PDZRN3: variants seen among roughly 807,000 people sequenced by gnomAD.
PDZRN3 encodes the protein E3 ubiquitin-protein ligase PDZRN3.
A neutral mutation model predicts 85.7 loss-of-function variants in PDZRN3; 38 were observed. The ratio of observed to expected loss-of-function variants is 0.44; its 90% CI spans 0.34 to 0.58. PDZRN3 has a LOEUF of 0.58. Among genes scored for constraint, PDZRN3 ranks in the 20% least tolerant of loss-of-function variants. PDZRN3 has a pLI of 0.01. For synonymous variants in PDZRN3, 759 were observed against 638.0 expected, an observed-to-expected ratio of 1.19 and a Z score of -2.86; for missense variants, 1,629 against 1,506.4, an observed-to-expected ratio of 1.08 and a Z score of -1.35.
chr3:73,500,171 C>A (rs116828281), intron 3 of PDZRN3, among the ~76,000 whole-genome samples: 4,807 of 152,014 alleles, frequency 0.032, 121 homozygotes, highest in Non-Finnish European at 0.042. Context: ...TCCTCCGCCT[C>A]CCAAGTAGCT....
intron 3 of PDZRN3, among the ~76,000 whole-genome samples, chr3:73,437,392 C>G (rs1405156110): frequency 1.3e-5 from 2 of 152,190 alleles, no homozygotes; most frequent in Non-Finnish European, 2.9e-5. Context: ...CACTGTACTA[C>G]ATGCTCATAA....
intron 3 of PDZRN3, among the ~76,000 whole-genome samples, chr3:73,577,696 T>G (rs4677304): frequency 0.91 from 138,626 of 152,204 alleles, 63,281 homozygotes; most frequent in African/African-American, 0.98. Flanking sequence ...GCTCCTGTCT[T>G]GACAGCCCTC....
intron 3 of PDZRN3, among the ~76,000 whole-genome samples, chr3:73,471,981 G>A (rs1436263811): frequency 1.3e-5 from 2 of 151,594 alleles, no homozygotes; most frequent in African/African-American, 4.9e-5. Flanking sequence ...AGTGGGCTAC[G>A]GGGAAAAGAC....
At chr3:73,563,013 A>ATATTT (rs1187151191) in intron 3 of PDZRN3, among the ~76,000 whole-genome samples, 3 of 43,762 alleles carry the variant, frequency 6.9e-5, no homozygotes, top group Non-Finnish European at 7.4e-5. Flanking sequence ...ATATATATAT[A>ATATTT]TTTTTTTTTT....
chr3:73,606,923 G>A lies in PDZRN3; in HGVS notation c.810+1675C>T, dbSNP rs532362523. Among the ~76,000 whole-genome samples the A allele has an allele frequency of 1.5e-4, 23 of 152,172 alleles. No individual in the cohort carries two copies. In the South Asian group the frequency reaches 3.7e-3, roughly 25 times the overall value. On this transcript the variant is annotated intron_variant, in intron 2 of 9. Transcript: ENST00000263666. The stretch of plus-strand genomic sequence containing the variant: ...CTGAAGCCATGTGTTGGCCACTCCC[G>A]CCCTAGGTAATTTAAATCCCAGACT...
intron 3 of PDZRN3, 66 bp downstream of exon 3, chr3:73,602,288 C>T (rs1169522294): frequency 2.0e-5 from 18 of 879,970 alleles, no homozygotes; most frequent in Admixed American, 3.7e-5. Flanking sequence ...AAACATCTTG[C>T]TTTGAGCTAG....
At chr3:73,422,134 A>G (rs979018160) in intron 3 of PDZRN3, among the ~76,000 whole-genome samples, 7 of 152,230 alleles carry the variant, frequency 4.6e-5, no homozygotes, top group Non-Finnish European at 8.8e-5. Context: ...GAGGGCAGGG[A>G]CTTTTCTTTC....
intron 1 of PDZRN3, among the ~76,000 whole-genome samples, chr3:73,621,469 G>C (rs576850681): frequency 1.3e-3 from 199 of 152,276 alleles, no homozygotes; most frequent in African/African-American, 4.6e-3. Context: ...CTGCCTTTTA[G>C]AAGAGAATAA....
At chr3:73,495,333 A>G (rs1703847706) in intron 3 of PDZRN3, among the ~76,000 whole-genome samples, 1 of 152,168 alleles carries the variant, frequency 6.6e-6, no homozygotes, top group Non-Finnish European at 1.5e-5. Flanking sequence ...TAATATAGCT[A>G]AAATTCCTTT....
intron 3 of PDZRN3, among the ~76,000 whole-genome samples, chr3:73,526,977 T>C (rs1184874109): frequency 6.6e-6 from 1 of 152,106 alleles, no homozygotes; most frequent in Non-Finnish European, 1.5e-5. Context: ...GCCTCCTGGG[T>C]AGCTGGGATT....
intron 3 of PDZRN3, among the ~76,000 whole-genome samples, chr3:73,504,153 C>A (rs1273782127): frequency 6.6e-6 from 1 of 152,158 alleles, no homozygotes; most frequent in Non-Finnish European, 1.5e-5. Flanking sequence ...CAGATGCCCA[C>A]CTGATGTACC....
chr3:73,525,805 C>T (rs1052248574), intron 3 of PDZRN3, among the ~76,000 whole-genome samples: 2 of 152,196 alleles, frequency 1.3e-5, no homozygotes, highest in African/African-American at 2.4e-5. Flanking sequence ...TTCCTGCATT[C>T]GCCAGTCTCA....
At chr3:73,608,254 G>C (rs574480389) in intron 2 of PDZRN3, among the ~76,000 whole-genome samples, 1 of 152,232 alleles carries the variant, frequency 6.6e-6, no homozygotes, top group South Asian at 2.1e-4. Context: ...GCTCGGTCTA[G>C]GACGGTGGCT....
At chr3:73,402,489 T>C (rs941928503) in intron 4 of PDZRN3, 8 of 152,248 alleles carry the variant, frequency 5.3e-5, no homozygotes, top group Admixed American at 4.6e-4. Context: ...CTGCAGTTCC[T>C]CATCTGTATA....
chr3:73,475,866 G>A (rs1270209243), intron 3 of PDZRN3, among the ~76,000 whole-genome samples: 1 of 152,218 alleles, frequency 6.6e-6, no homozygotes, highest in Admixed American at 6.5e-5. Context: ...CTCAGGATAT[G>A]CAAATTAGAA....
At chr3:73,525,715 GT>G (rs1704506964) in intron 3 of PDZRN3, among the ~76,000 whole-genome samples, 1 of 152,104 alleles carries the variant, frequency 6.6e-6, no homozygotes, top group South Asian at 2.1e-4. Flanking sequence ...ACACATGGTG[GT>G]CCCCCTGCCA....
chr3:73,608,790 C>CAA, intron 1 of PDZRN3, 106 bp from the exon 2 acceptor site: 1 of 690,784 alleles, frequency 1.4e-6, no homozygotes, highest in Non-Finnish European at 2.5e-6. Flanking sequence ...CTAATCATTA[C>CAA]AAATCCTGTT....
At chr3:73,549,993 T>C (rs1189903060) in intron 3 of PDZRN3, among the ~76,000 whole-genome samples, 2 of 152,258 alleles carry the variant, frequency 1.3e-5, no homozygotes, top group East Asian at 1.9e-4. Context: ...TTAGTGCAGA[T>C]GCTGCCTTAG....
Position 73,391,044 on chromosome 3 carries a change from C to T in PDZRN3, c.1327G>A (p.Asp443Asn), listed in dbSNP as rs749294495. 4 of 1,613,500 alleles carry T rather than the reference C, an allele frequency of 2.5e-6. No individual in the cohort carries two copies. In the South Asian group the frequency reaches 4.4e-5, roughly 18 times the overall value. Residue 443 changes from aspartate to asparagine, a missense_variant, in exon 6 of 10, where the codon GAC (aspartate) becomes AAC (asparagine). Coordinates refer to ENST00000263666, the MANE Select transcript of PDZRN3 (RefSeq NM_015009.3). The stretch of plus-strand genomic sequence containing the variant: ...TCACTGATATAAATCCCAATGTCGT[C>T]TTCATCGTCCGTCCGGTAGCACACA... ...LTVCYRTDDE[D>N]DIGIYISEID...
Sources: allele counts gnomAD v4.1 joint callset (sites outside exome capture counted in the v4.1 genomes callset), GRCh38; gene constraint gnomAD v4.1.1; transcripts MANE v1.5; gene names NCBI Gene and HGNC (gene_info 2026-07-23, HGNC 2026-07-21).